The following MICU1 variants were observed in gnomAD, a reference collection of about 807,000 sequenced individuals.
The protein encoded by MICU1 is calcium uptake protein 1, mitochondrial.
In MICU1, 45 loss-of-function variants were observed where a neutral mutation model predicts 56.8. The ratio of observed to expected loss-of-function variants is 0.79; its 90% CI spans 0.62 to 1.02. The LOEUF (loss-of-function observed/expected upper bound fraction) is 1.02. Ranked by LOEUF, MICU1 falls within the 50% of genes least tolerant of loss-of-function variation. The pLI, the probability that MICU1 is intolerant of heterozygous loss-of-function variation, is 0.00. For missense variants in MICU1, 504 were observed against 587.1 expected (o/e 0.86, Z 1.46); for synonymous variants, 186 against 195.1 (o/e 0.95, Z 0.39).
intron 8 of MICU1, among the ~76,000 whole-genome samples, chr10:72,461,957 AAAC>A (rs920619437): frequency 5.9e-5 from 9 of 152,196 alleles, no homozygotes; most frequent in Admixed American, 1.3e-4. Flanking sequence ...CATCTCAAAC[AAAC>A]AACAACAACA....
rs180806768 is a variant in MICU1 at position 72,425,294 on chromosome 10, T to C, written c.934-1923A>G. ...GGCAATCCCGTATGTTGGAACTAGA[T>C]GAATTTTCAGCTTTATCTCACCAGA... On this transcript the variant is annotated intron_variant, in intron 8 of 11. Transcript: ENST00000361114. Among the ~76,000 whole-genome samples, 146 of 152,368 alleles carry C rather than the reference T, an allele frequency of 9.6e-4. 2 individuals are homozygous for C. The Middle Eastern group carries it at 0.024, about 25-fold the overall frequency.
At chr10:72,579,446 T>A (rs1371627275) in intron 1 of MICU1, among the ~76,000 whole-genome samples, 1 of 152,160 alleles carries the variant, frequency 6.6e-6, no homozygotes, top group Non-Finnish European at 1.5e-5. Context: ...CACCAGTGTA[T>A]CAGTGAACTC....
intron 2 of MICU1, 108 bp downstream of exon 2, chr10:72,566,521 GAGCA>G (rs1840442947): frequency 1.8e-6 from 2 of 1,107,316 alleles, no homozygotes; most frequent in Admixed American, 2.9e-5. Flanking sequence ...CAAATGATCC[GAGCA>G]AGAAATTCTG....
At chr10:72,548,106 A>C (rs1008842758) in intron 4 of MICU1, among the ~76,000 whole-genome samples, 2 of 152,258 alleles carry the variant, frequency 1.3e-5, no homozygotes, top group Admixed American at 1.3e-4. Flanking sequence ...ATGCTATAGC[A>C]GCAGAGATGC....
intron 4 of MICU1, among the ~76,000 whole-genome samples, chr10:72,549,944 A>AAAAAAAAG (rs1401310841): frequency 6.6e-6 from 1 of 151,642 alleles, no homozygotes; most frequent in African/African-American, 2.4e-5. Context: ...AAAAAAAAAA[A>AAAAAAAAG]AGAGAATTAG....
intron 3 of MICU1, chr10:72,560,223 C>G (rs946753507): frequency 6.6e-6 from 1 of 152,240 alleles, no homozygotes; most frequent in Admixed American, 6.6e-5. Flanking sequence ...ATCTCTCCTG[C>G]CTTCAGTCTA....
intron 1 of MICU1, among the ~76,000 whole-genome samples, chr10:72,593,358 G>A (rs1224901919): frequency 6.6e-6 from 1 of 151,984 alleles, no homozygotes; most frequent in Non-Finnish European, 1.5e-5. Context: ...CCAGCACTTT[G>A]GGAGGCTTAG....
chr10:72,394,909 G>A (rs2132074555), intron 10 of MICU1, among the ~76,000 whole-genome samples: 1 of 152,012 alleles, frequency 6.6e-6, no homozygotes, highest in South Asian at 2.1e-4. Flanking sequence ...GGCCAGACAT[G>A]GTGGCTCACG....
intron 6 of MICU1, among the ~76,000 whole-genome samples, chr10:72,499,651 A>G (rs563849320): frequency 6.6e-6 from 1 of 152,344 alleles, no homozygotes; most frequent in African/African-American, 2.4e-5. Flanking sequence ...TATGAAGATA[A>G]TAGCTAAACC....
intron 2 of MICU1, among the ~76,000 whole-genome samples, chr10:72,563,856 C>T (rs1048962788): frequency 7.2e-5 from 11 of 152,100 alleles, no homozygotes; most frequent in African/African-American, 2.4e-4. Flanking sequence ...TTCTCATTCT[C>T]CCCTTGTCCC....
At position 72,375,832 on chromosome 10, in the gene MICU1, C is replaced by T. The variant is rs914962634; in HGVS notation, c.1221G>A (p.Glu407=). Reference sequence around the variant, plus strand: ...CCACATCACACACGTGGTCTGAGAGCTCCACTTTAGCCACTGTCCTGGCCA... The same window carrying T: ...CCACATCACACACGTGGTCTGAGAGTTCCACTTTAGCCACTGTCCTGGCCA... ...QQVARTVAKV[E]LSDHVCDVVF... is the part of the protein sequence containing the mutation. The change falls in exon 11 of 12, where the codon GAG becomes GAA. Residue 407 remains glutamate (E), a synonymous_variant. Coordinates refer to ENST00000361114, the MANE Select transcript of MICU1 (RefSeq NM_001195518.2). 6.2e-7 allele frequency: 1 copy of T among 1,613,400 alleles called. No homozygotes were observed. Among genetic ancestry groups the T allele is most frequent in the Non-Finnish European group, 8.5e-7 (1 of 1,179,752 alleles).
At chr10:72,574,666 T>A (rs1840697018) in intron 1 of MICU1, among the ~76,000 whole-genome samples, 1 of 151,912 alleles carries the variant, frequency 6.6e-6, no homozygotes, top group Admixed American at 6.6e-5. Flanking sequence ...AGGAAAATTA[T>A]CCCCAAATAT....
chr10:72,563,005 CT>C lies in MICU1; in HGVS notation c.219del (p.Lys75ArgfsTer37). 1 of 1,607,356 alleles carries C rather than the reference CT, an allele frequency of 6.2e-7. No homozygotes were observed. Among genetic ancestry groups the C allele is most frequent in the Non-Finnish European group, 8.5e-7 (1 of 1,176,982 alleles). ...VDNLKSDIGD[K>X]GKNKDEGDVC... The stretch of plus-strand genomic sequence containing the variant: ...ACATCCCCTTCATCTTTATTCTTCC[CT>C]TTATCACCGATGTCACTTTTTAGGT... On this transcript the variant is annotated frameshift_variant, in exon 3 of 12. Transcript: ENST00000361114. LOFTEE classifies it high-confidence loss of function.
chr10:72,585,934 C>G (rs549258668), intron 1 of MICU1, among the ~76,000 whole-genome samples: 1 of 150,396 alleles, frequency 6.6e-6, no homozygotes, highest in South Asian at 2.1e-4. Flanking sequence ...GTAAATACTA[C>G]GTAAATAGTT....
In MICU1 at chr10:72,389,196, T is replaced by C. The variant is rs559321164; in HGVS notation, c.1181-13324A>G. Reference sequence around the variant, plus strand: ...GACAGTTGTTCAGAATATAAGAGTTTGTTGTGTGCTAGAAATTGCTGACTC... The same window carrying C: ...GACAGTTGTTCAGAATATAAGAGTTCGTTGTGTGCTAGAAATTGCTGACTC... On this transcript the variant is annotated intron_variant, in intron 10 of 11. Transcript: ENST00000361114. Among the ~76,000 whole-genome samples the C allele has an allele frequency of 5.3e-5, 8 of 152,348 alleles. No individual in the cohort carries two copies. In the South Asian group the frequency reaches 1.0e-3, roughly 20 times the overall value.
intron 8 of MICU1, among the ~76,000 whole-genome samples, chr10:72,468,578 GT>G (rs199561842): frequency 4.0e-5 from 6 of 149,338 alleles, no homozygotes; most frequent in Admixed American, 2.7e-4. Context: ...TTTTAGACCT[GT>G]TTTTTTTGTG....
At chr10:72,563,687 C>A (rs1408857506) in intron 2 of MICU1, among the ~76,000 whole-genome samples, 1 of 152,186 alleles carries the variant, frequency 6.6e-6, no homozygotes, top group Non-Finnish European at 1.5e-5. Context: ...TACTGAACTG[C>A]ATATTTTAAA....
chr10:72,402,399 G>C (rs974934648), intron 10 of MICU1, among the ~76,000 whole-genome samples: 2 of 152,106 alleles, frequency 1.3e-5, no homozygotes, highest in Non-Finnish European at 2.9e-5. Flanking sequence ...AATAGCTTAT[G>C]TTATTTTAAT....
intron 10 of MICU1, among the ~76,000 whole-genome samples, chr10:72,392,602 A>C (rs1222407121): frequency 1.3e-5 from 2 of 152,120 alleles, no homozygotes; most frequent in African/African-American, 2.4e-5. Context: ...TAAACACAGA[A>C]ACTAAGTTCA....
Sources: allele counts gnomAD v4.1 joint callset (sites outside exome capture counted in the v4.1 genomes callset), GRCh38; gene constraint gnomAD v4.1.1; transcripts MANE v1.5; gene names NCBI Gene and HGNC (gene_info 2026-07-23, HGNC 2026-07-21).